The following KLF8 variants were observed in gnomAD, a reference collection of about 807,000 sequenced individuals.
The protein encoded by KLF8 is Krueppel-like factor 8.
A neutral mutation model predicts 18.2 loss-of-function variants in KLF8; 10 were observed. The observed-to-expected ratio is 0.55, with a 90% CI of 0.34 to 0.93. The LOEUF (loss-of-function observed/expected upper bound fraction) is 0.93. Among genes scored for constraint, KLF8 ranks in the 40% least tolerant of loss-of-function variants. The pLI is 0.02. For missense variants in KLF8, 264 were observed against 277.9 expected (o/e 0.95, Z 0.36); for synonymous variants, 109 against 97.3 (o/e 1.12, Z -0.71).
the KLF8 span, among the ~76,000 whole-genome samples, chrX:56,075,677 C>T: frequency 9.0e-6 from 1 of 111,635 alleles, no homozygotes; most frequent in African/African-American, 3.3e-5. Flanking sequence ...CCTACCCTTC[C>T]CAGCCTCTGG....
chrX:55,960,747 A>G, the KLF8 span, among the ~76,000 whole-genome samples: 8 of 112,294 alleles, frequency 7.1e-5, no homozygotes, highest in Non-Finnish European at 1.5e-4. Flanking sequence ...ACTTAAGTAC[A>G]TATCCCAATG....
chrX:56,074,223 CT>C, the KLF8 span, among the ~76,000 whole-genome samples: 2 of 112,123 alleles, frequency 1.8e-5, no homozygotes, highest in African/African-American at 6.5e-5. Flanking sequence ...AAAGTACCCT[CT>C]TTTTTGTAGA....
the KLF8 span, among the ~76,000 whole-genome samples, chrX:56,169,682 T>C: frequency 2.7e-5 from 3 of 111,119 alleles, no homozygotes. Flanking sequence ...TAATAGAACA[T>C]GAGGTGGACT....
the KLF8 span, among the ~76,000 whole-genome samples, chrX:56,075,382 T>G: frequency 1.8e-5 from 2 of 110,953 alleles, no homozygotes; most frequent in Non-Finnish European, 3.8e-5. Context: ...TATTTTTAAT[T>G]TTTCTGAGTA....
the KLF8 span, among the ~76,000 whole-genome samples, chrX:56,184,625 G>A: frequency 9.0e-6 from 1 of 110,633 alleles, no homozygotes; most frequent in Non-Finnish European, 1.9e-5. Context: ...AGGCACCCCC[G>A]AGTAGCGGCA....
the KLF8 span, among the ~76,000 whole-genome samples, chrX:55,939,163 A>T: frequency 3.4e-4 from 38 of 112,204 alleles, no homozygotes; most frequent in Admixed American, 1.1e-3. Context: ...AACAGAAATT[A>T]TAACAAACTG....
At chrX:55,956,495 G>C in the KLF8 span, among the ~76,000 whole-genome samples, 1 of 111,438 alleles carries the variant, frequency 9.0e-6, no homozygotes, top group Admixed American at 9.5e-5. Flanking sequence ...CGTAAGGCTT[G>C]TACCACTGTT....
At chrX:55,964,851 C>T in the KLF8 span, among the ~76,000 whole-genome samples, 1 of 111,288 alleles carries the variant, frequency 9.0e-6, no homozygotes, top group Admixed American at 9.5e-5. Context: ...CAAGATTGAA[C>T]CAAGAAGAAA....
the KLF8 span, among the ~76,000 whole-genome samples, chrX:55,932,397 T>C: frequency 6.3e-5 from 7 of 111,351 alleles, no homozygotes; most frequent in African/African-American, 2.3e-4. Flanking sequence ...ATGTGTAAAT[T>C]TGATTCTGTC....
chrX:55,932,578 C>T, the KLF8 span, among the ~76,000 whole-genome samples: 32 of 111,801 alleles, frequency 2.9e-4, 1 homozygote, highest in East Asian at 5.1e-3. Flanking sequence ...GACAAAATCT[C>T]TCAGCATTTG....
the KLF8 span, among the ~76,000 whole-genome samples, chrX:56,160,647 C>A: frequency 9.0e-6 from 1 of 111,514 alleles, no homozygotes; most frequent in East Asian, 2.8e-4. Context: ...TATGTAATGG[C>A]CTTCTTTGTC....
chrX:56,050,282 A>AT, the KLF8 span, among the ~76,000 whole-genome samples: 2 of 110,404 alleles, frequency 1.8e-5, no homozygotes, highest in Non-Finnish European at 3.8e-5. Context: ...TTCTGCTGTG[A>AT]TTTTAGTTAT....
At chrX:56,210,081 C>T in the KLF8 span, among the ~76,000 whole-genome samples, 1 of 111,726 alleles carries the variant, frequency 9.0e-6, no homozygotes, top group Non-Finnish European at 1.9e-5. Context: ...AGTTTGCACA[C>T]CACACTTACA....
chrX:56,249,352 C>A (rs5960670), intron 1 of KLF8, among the ~76,000 whole-genome samples: 3,726 of 111,871 alleles, frequency 0.033, 172 homozygotes, highest in African/African-American at 0.11. Flanking sequence ...TTGTTGACTG[C>A]CTGTAATTGG....
At chrX:55,988,582 C>T in the KLF8 span, among the ~76,000 whole-genome samples, 7 of 110,141 alleles carry the variant, frequency 6.4e-5, no homozygotes, top group Non-Finnish European at 1.3e-4. Context: ...GGTACCAGTA[C>T]CATGCTGTTT....
chrX:56,049,516 G>A, the KLF8 span, among the ~76,000 whole-genome samples: 1 of 108,172 alleles, frequency 9.2e-6, no homozygotes, highest in Non-Finnish European at 1.9e-5. Context: ...CTGCATCTAT[G>A]GAGATAATCA....
chrX:55,942,849 G>T, the KLF8 span, among the ~76,000 whole-genome samples: 1 of 112,035 alleles, frequency 8.9e-6, no homozygotes, highest in South Asian at 3.7e-4. Flanking sequence ...CAATGTGGCT[G>T]GTGCATAGTC....
At chrX:56,219,893 G>A in the KLF8 span, among the ~76,000 whole-genome samples, 2 of 111,854 alleles carry the variant, frequency 1.8e-5, no homozygotes, top group African/African-American at 6.5e-5. Flanking sequence ...GACTAACTCT[G>A]AACATTGGGG....
chrX:56,094,654 C>A, the KLF8 span, among the ~76,000 whole-genome samples: 1 of 111,135 alleles, frequency 9.0e-6, no homozygotes, highest in Non-Finnish European at 1.9e-5. Flanking sequence ...GACCAGAGCA[C>A]TACATATTCT....
Sources: gnomAD v4.1 joint callset for allele counts (sites outside exome capture counted in the v4.1 genomes callset) on GRCh38, gnomAD v4.1.1 for gene constraint, MANE v1.5 for transcripts, NCBI Gene and HGNC (gene_info 2026-07-23, HGNC 2026-07-21) for gene names.